RTN1: variants seen among roughly 807,000 people sequenced by gnomAD.
RTN1 encodes the protein reticulon-1.
In RTN1, 25 loss-of-function variants were observed where a neutral mutation model predicts 65.5. The ratio of observed to expected loss-of-function variants is 0.38; its 90% CI spans 0.28 to 0.53. The LOEUF is 0.53. RTN1 is among the 20% of genes least tolerant of loss of function. The pLI is 0.79. For synonymous variants in RTN1, 471 were observed against 447.6 expected (o/e 1.05, Z -0.66); for missense variants, 983 against 1,025.4 (o/e 0.96, Z 0.57).
chr14:59,865,367 G>A (rs934809102), intron 1 of RTN1, among the ~76,000 whole-genome samples: 1 of 152,180 alleles, frequency 6.6e-6, no homozygotes, highest in African/African-American at 2.4e-5. Context: ...TCCATGAGAT[G>A]TAAAGTAGTT....
At chr14:59,603,800 C>A (rs760597008) in intron 6 of RTN1, 52 bp downstream of exon 6, 57 of 1,440,444 alleles carry the variant, frequency 4.0e-5, no homozygotes, top group East Asian at 3.9e-4. Context: ...TAGGAAGCAG[C>A]GTTTTCACAG....
intron 1 of RTN1, among the ~76,000 whole-genome samples, chr14:59,791,645 A>T (rs1352451429): frequency 2.0e-5 from 3 of 152,120 alleles, no homozygotes; most frequent in Non-Finnish European, 4.4e-5. Flanking sequence ...CCACATTAAC[A>T]TCCTACTAGG....
chr14:59,853,260 AC>A (rs1664553081), intron 1 of RTN1, among the ~76,000 whole-genome samples: 1 of 152,130 alleles, frequency 6.6e-6, no homozygotes, highest in Admixed American at 6.5e-5. Flanking sequence ...GGCATGATCA[AC>A]CCAACTCTGC....
chr14:59,715,583 T>C (rs892383496), intron 3 of RTN1, among the ~76,000 whole-genome samples: 1 of 152,194 alleles, frequency 6.6e-6, no homozygotes, highest in Non-Finnish European at 1.5e-5. Context: ...CCCAGCACTT[T>C]GGGAGGCAGA....
At chr14:59,747,094 C>G (rs1885244315) in intron 1 of RTN1, among the ~76,000 whole-genome samples, 2 of 152,164 alleles carry the variant, frequency 1.3e-5, no homozygotes, top group Admixed American at 6.5e-5. Context: ...GGTGTGCTTC[C>G]CTGTTTATTT....
In RTN1 at chr14:59,667,646, A is replaced by G. The variant is rs1483747444; in HGVS notation, c.1765+59273T>C. On this transcript the variant is annotated intron_variant, in intron 3 of 8. Coordinates refer to ENST00000267484, the MANE Select transcript of RTN1 (RefSeq NM_021136.3). Reference sequence around the variant, plus strand: ...AAGAGAAATAAATAAACGGTATTCAATTAGGAAATGAGGAAGTCGAATTGT... The same window carrying G: ...AAGAGAAATAAATAAACGGTATTCAGTTAGGAAATGAGGAAGTCGAATTGT... Among the ~76,000 whole-genome samples, 8 of 152,326 alleles carry G rather than the reference A, an allele frequency of 5.3e-5. No individual in the cohort carries two copies. In the East Asian group the frequency reaches 1.5e-3, roughly 29 times the overall value.
At chr14:59,616,763 G>A (rs574305657) in intron 3 of RTN1, among the ~76,000 whole-genome samples, 4 of 152,170 alleles carry the variant, frequency 2.6e-5, no homozygotes, top group East Asian at 1.9e-4. Flanking sequence ...TCAGATATAC[G>A]ACTCTTAAGT....
At chr14:59,666,275 G>T (rs184901078) in intron 3 of RTN1, among the ~76,000 whole-genome samples, 1 of 152,146 alleles carries the variant, frequency 6.6e-6, no homozygotes, top group Non-Finnish European at 1.5e-5. Context: ...TACAACTCAG[G>T]ATTAAGAAAC....
At chr14:59,605,630 G>T (rs1881719046) in intron 4 of RTN1, 124 bp from the exon 5 acceptor site, 1 of 1,008,380 alleles carries the variant, frequency 9.9e-7, no homozygotes, top group Non-Finnish European at 1.5e-6. Flanking sequence ...GTCATCTCTG[G>T]GGGGTTATGC....
intron 3 of RTN1, among the ~76,000 whole-genome samples, chr14:59,624,907 C>G (rs1882352982): frequency 6.6e-6 from 1 of 152,170 alleles, no homozygotes; most frequent in Non-Finnish European, 1.5e-5. Context: ...GAAAGCTAAC[C>G]ACTGAAGGCC....
chr14:59,817,707 C>T (rs1323267264), intron 1 of RTN1, among the ~76,000 whole-genome samples: 2 of 151,984 alleles, frequency 1.3e-5, no homozygotes, highest in Non-Finnish European at 2.9e-5. Flanking sequence ...GACTCTTGGA[C>T]CACCCTGCCA....
intron 3 of RTN1, among the ~76,000 whole-genome samples, chr14:59,670,264 T>C (rs1883474819): frequency 6.6e-6 from 1 of 152,204 alleles, no homozygotes; most frequent in South Asian, 2.1e-4. Context: ...ATGATCTCAT[T>C]AAACATTTAT....
At chr14:59,709,944 T>G (rs1160488799) in intron 3 of RTN1, among the ~76,000 whole-genome samples, 1 of 152,154 alleles carries the variant, frequency 6.6e-6, no homozygotes, top group East Asian at 1.9e-4. Context: ...ACCATAGGGC[T>G]GAACACCTTC....
rs1430173329 is a variant in RTN1, at chr14:59,727,724, T to C, written c.1016-56A>G. ...GGAGGCACACACACGGACAGACAGATGGACAGAGAGAGGAGGGATAAAACA... is the reference window on the plus strand; with the variant it reads ...GGAGGCACACACACGGACAGACAGACGGACAGAGAGAGGAGGGATAAAACA... On this transcript the variant is annotated intron_variant, in intron 2 of 8. Coordinates refer to ENST00000267484, the MANE Select transcript of RTN1 (RefSeq NM_021136.3). The surrounding 1 kb of genome is among the most constrained non-coding windows in gnomAD (Gnocchi z 4.2). 1.3e-6 allele frequency: 2 copies of C among 1,514,438 alleles called. No individual in the cohort carries two copies. Among genetic ancestry groups the C allele is most frequent in the Non-Finnish European group, 1.8e-6 (2 of 1,133,570 alleles). The allele number at this position is 1,514,438 out of a possible 1,614,324, so 93.8% of individuals were successfully genotyped here. A position where few individuals can be genotyped will look rare whatever the true frequency, so the allele number is the denominator to read the frequency against.
intron 2 of RTN1, among the ~76,000 whole-genome samples, chr14:59,737,050 C>T (rs566426259): frequency 6.6e-6 from 1 of 152,220 alleles, no homozygotes; most frequent in South Asian, 2.1e-4. Context: ...AAACCCACTG[C>T]CAATATCATA....
intron 3 of RTN1, among the ~76,000 whole-genome samples, chr14:59,608,733 A>G (rs540966567): frequency 6.6e-6 from 1 of 152,098 alleles, no homozygotes; most frequent in Non-Finnish European, 1.5e-5. Context: ...ATTAACTCAG[A>G]AAGACTCCAG....
At chr14:59,843,751 TC>T (rs1184672280) in intron 1 of RTN1, among the ~76,000 whole-genome samples, 1 of 152,224 alleles carries the variant, frequency 6.6e-6, no homozygotes, top group African/African-American at 2.4e-5. Flanking sequence ...AAAGCCTGTG[TC>T]CTATAAATGT....
intron 1 of RTN1, among the ~76,000 whole-genome samples, chr14:59,862,245 T>C (rs1404328674): frequency 1.3e-5 from 2 of 152,230 alleles, no homozygotes; most frequent in African/African-American, 2.4e-5. Context: ...GGCAGAATCC[T>C]AGGCCATTAT....
intron 3 of RTN1, among the ~76,000 whole-genome samples, chr14:59,641,631 A>G (rs1882783784): frequency 6.6e-6 from 1 of 152,162 alleles, no homozygotes; most frequent in Admixed American, 6.5e-5. Flanking sequence ...TTGGCCTCCC[A>G]AAGTGCTGGG....
Sources: gnomAD v4.1 joint callset for allele counts (sites outside exome capture counted in the v4.1 genomes callset) on GRCh38, gnomAD v4.1.1 for gene constraint, Gnocchi (gnomAD v3.1) non-coding constraint, MANE v1.5 for transcripts, NCBI Gene and HGNC (gene_info 2026-07-23, HGNC 2026-07-21) for gene names.